Variants in UNC45B observed in about 807,000 individuals in gnomAD.
The protein encoded by UNC45B is unc-45 myosin chaperone B.
UNC45B carries 78 observed loss-of-function variants against 98.7 expected under a neutral mutation model. The ratio of observed to expected loss-of-function variants is 0.79; its 90% CI spans 0.66 to 0.95. UNC45B has a LOEUF of 0.95. UNC45B is among the 40% of genes least tolerant of loss of function. The probability of loss-of-function intolerance (pLI) is 0.00; values close to 1 mark genes in which losing one functional copy is unlikely to be tolerated. For synonymous variants in UNC45B, 462 were observed against 480.4 expected, an observed-to-expected ratio of 0.96 and a Z score of 0.50; for missense variants, 1,225 against 1,184.9, an observed-to-expected ratio of 1.03 and a Z score of -0.50.
intron 8 of UNC45B, among the ~76,000 whole-genome samples, chr17:35,160,719 C>T (rs552046247): frequency 5.1e-4 from 77 of 152,312 alleles, no homozygotes; most frequent in African/African-American, 1.8e-3. Flanking sequence ...ATTACAGGCG[C>T]GAGCCATGGC....
rs933238012 is a variant in UNC45B, at chr17:35,147,918, T to C, written c.-1+8T>C. 4 of 218,062 alleles carry C rather than the reference T, an allele frequency of 1.8e-5. No individual in the cohort carries two copies. The highest frequency in any genetic ancestry group is 3.7e-5 in the Non-Finnish European group (4 of 109,566). The allele number at this position is 218,062 out of a possible 1,614,324, so 13.5% of individuals were successfully genotyped here. ...ATCGTCCTTGCTGAAAAAGTGAGCA[T>C]GGGCCTGGGGTGTGCCCTGGACTGG... On this transcript the variant is annotated splice_region_variant and intron_variant, in intron 1 of 19. Coordinates refer to ENST00000394570, the MANE Select transcript of UNC45B (RefSeq NM_001267052.2).
At chr17:35,180,364 A>AGG (rs2092265299) in intron 17 of UNC45B, among the ~76,000 whole-genome samples, 195 bp from the exon 18 acceptor site, 1 of 152,084 alleles carries the variant, frequency 6.6e-6, no homozygotes, top group Admixed American at 6.5e-5. Context: ...CCAGGATGCC[A>AGG]TGCTATACAA....
Position 35,183,469 on chromosome 17 carries a change from C to G in UNC45B, c.2416C>G (p.Leu806Val), listed in dbSNP as rs775152709. ...FLADGNDRLK[L>V]VVLLCGEDDD... ...GGCTGACGGGAATGACCGGCTGAAG[C>G]TGGTGGTGCTGCTCTGCGGGGAGGA... The change falls in exon 19 of 20, where the codon CTG (leucine) becomes GTG (valine). Residue 806 changes from leucine to valine, a missense_variant. By Grantham distance (32) the Leu-to-Val change is conservative. Transcript: ENST00000394570. The G allele has an allele frequency of 6.2e-7, 1 of 1,602,270 alleles. No individual in the cohort carries two copies. The highest frequency in any genetic ancestry group is 1.1e-5 in the South Asian group (1 of 89,398).
At chr17:35,150,997 C>A in intron 4 of UNC45B, among the ~76,000 whole-genome samples, 1 of 152,092 alleles carries the variant, frequency 6.6e-6, no homozygotes, top group East Asian at 1.9e-4. Context: ...CTCACTCCAA[C>A]CTCTTTCTCC....
chr17:35,181,192 G>T (rs1228637396), intron 18 of UNC45B, among the ~76,000 whole-genome samples: 2 of 152,250 alleles, frequency 1.3e-5, no homozygotes, highest in East Asian at 1.9e-4. Flanking sequence ...TAATTACAGG[G>T]TTTATAAAAA....
At chr17:35,165,261 C>T (rs982165752) in intron 9 of UNC45B, among the ~76,000 whole-genome samples, 21 of 152,212 alleles carry the variant, frequency 1.4e-4, no homozygotes, top group African/African-American at 4.8e-4. Flanking sequence ...GACTAAGACT[C>T]ATGTGGCTTT....
intron 7 of UNC45B, among the ~76,000 whole-genome samples, chr17:35,157,837 C>T (rs943113131): frequency 8.6e-5 from 13 of 152,046 alleles, no homozygotes; most frequent in African/African-American, 2.7e-4. Context: ...CATGTTGTTA[C>T]CTATTTCTTA....
chr17:35,174,232 A>G lies in UNC45B; in HGVS notation c.1831-10A>G. Reference sequence around the variant, plus strand: ...GACCCTCCCACATTGCCATCTTTTCATCTCCTCAGGACAAGAAGGACTTTA... The same window carrying G: ...GACCCTCCCACATTGCCATCTTTTCGTCTCCTCAGGACAAGAAGGACTTTA... On this transcript the variant is annotated splice_polypyrimidine_tract_variant and intron_variant, in intron 13 of 19. Transcript: ENST00000394570. 6.2e-7 allele frequency: 1 copy of G among 1,614,092 alleles called. No homozygotes were observed. Among genetic ancestry groups the G allele is most frequent in the Non-Finnish European group, 8.5e-7 (1 of 1,179,974 alleles).
Position 35,155,471 on chromosome 17 carries a change from A to C in UNC45B, c.808+7A>C, listed in dbSNP as rs1416349856. Reference sequence around the variant, plus strand: ...GAGGAGGCCCTGGTTCTAGGTAGGAAACATTCTTCAGTTTTGATTCAAGGG... The same window carrying C: ...GAGGAGGCCCTGGTTCTAGGTAGGACACATTCTTCAGTTTTGATTCAAGGG... On this transcript the variant is annotated splice_region_variant and intron_variant, in intron 7 of 19. Coordinates refer to ENST00000394570, the MANE Select transcript of UNC45B (RefSeq NM_001267052.2). 1 of 1,613,390 alleles carries C rather than the reference A, an allele frequency of 6.2e-7. No individual in the cohort carries two copies. The highest frequency in any genetic ancestry group is 1.7e-5 in the Admixed American group (1 of 59,988).
Position 35,163,955 on chromosome 17 carries a change from C to G in UNC45B, c.980-40C>G, listed in dbSNP as rs200248455. 509 of 1,559,444 alleles carry G rather than the reference C, an allele frequency of 3.3e-4. 3 individuals carry two copies. The highest frequency in any genetic ancestry group is 4.2e-4 in the Non-Finnish European group (482 of 1,152,856). On this transcript the variant is annotated intron_variant, in intron 8 of 19. Transcript: ENST00000394570. Reference sequence around the variant, plus strand: ...GTGAGGGGTGTGTGTGAGGATGGAGCCCAGCAGGAATCTTAGGCTTGCCAC... The same window carrying G: ...GTGAGGGGTGTGTGTGAGGATGGAGGCCAGCAGGAATCTTAGGCTTGCCAC...
intron 15 of UNC45B, 97 bp from the exon 16 acceptor site, chr17:35,176,920 C>A (rs2092237840): frequency 1.1e-6 from 1 of 890,660 alleles, no homozygotes; most frequent in South Asian, 1.6e-5. Flanking sequence ...TTTTCCTGGA[C>A]CTCCCATGGG....
In UNC45B at chr17:35,174,327, AT is replaced by A; in HGVS notation, c.1917del (p.Asp639GlufsTer39). The A allele has an allele frequency of 6.2e-7, 1 of 1,614,198 alleles. No individual in the cohort carries two copies. The highest frequency in any genetic ancestry group is 1.6e-4 in the Middle Eastern group (1 of 6,062). On this transcript the variant is annotated frameshift_variant, in exon 14 of 20. Coordinates refer to ENST00000394570, the MANE Select transcript of UNC45B (RefSeq NM_001267052.2). LOFTEE classifies it high-confidence loss of function. Reference sequence around the variant, plus strand: ...GCCCTGGCTTGCATGGTGAAAGCAGATAGTGCCATCCTCACTGACCAGACCA... The same window carrying A: ...GCCCTGGCTTGCATGGTGAAAGCAGAAGTGCCATCCTCACTGACCAGACCA... Reference protein sequence around the residue: ...ISALACMVKADSAILTDQTKE... With the variant: ...ISALACMVKAXSAILTDQTKE...
chr17:35,180,623 C>T lies in UNC45B; in HGVS notation c.2320C>T (p.Gln774Ter). The part of the protein sequence containing the change: ...IENYMFENHD[Q>*]LRQAATECMC... ...GAACTACATGTTTGAGAATCATGAT[C>T]AGCTGCGGCAGGCGGCCACCGAGTG... The change falls in exon 18 of 20, where the codon CAG becomes TAG. Residue 774 changes from glutamine (Q) to a stop codon, truncating the protein, a stop_gained. Transcript: ENST00000394570. LOFTEE classifies it high-confidence loss of function. 6.2e-7 allele frequency: 1 copy of T among 1,613,712 alleles called. No homozygotes were observed.
chr17:35,185,695 C>T (rs1311278546), intron 19 of UNC45B, among the ~76,000 whole-genome samples: 1 of 152,056 alleles, frequency 6.6e-6, no homozygotes, highest in Non-Finnish European at 1.5e-5. Context: ...ATACTAAGCT[C>T]TTTCCATGTA....
At chr17:35,161,340 T>C (rs921355101) in intron 8 of UNC45B, among the ~76,000 whole-genome samples, 2 of 152,098 alleles carry the variant, frequency 1.3e-5, no homozygotes, top group Admixed American at 1.3e-4. Context: ...GGAGGCACGG[T>C]AAGGGAGCTG....
At chr17:35,175,913 G>A in intron 14 of UNC45B, 55 bp from the exon 15 acceptor site, 1 of 1,551,504 alleles carries the variant, frequency 6.4e-7, no homozygotes, top group South Asian at 1.1e-5. Flanking sequence ...TGCTGCTGCT[G>A]CCTGGGAAGG....
At chr17:35,154,836 G>A (rs2142536452) in intron 6 of UNC45B, 95 bp downstream of exon 6, 6 of 1,349,688 alleles carry the variant, frequency 4.4e-6, no homozygotes, top group Middle Eastern at 2.7e-4. Context: ...GGCATCAATG[G>A]AACCAGATAA....
intron 7 of UNC45B, among the ~76,000 whole-genome samples, chr17:35,155,770 A>G (rs995647022): frequency 1.3e-5 from 2 of 152,060 alleles, no homozygotes; most frequent in Non-Finnish European, 2.9e-5. Context: ...GGGTTTCTTC[A>G]TGTTGGCCAG....
At chr17:35,157,393 G>T (rs949748856) in intron 7 of UNC45B, among the ~76,000 whole-genome samples, 1 of 151,968 alleles carries the variant, frequency 6.6e-6, no homozygotes, top group Non-Finnish European at 1.5e-5. Context: ...GTAGAGACGG[G>T]GTTTTACCAT....
Sources: allele counts gnomAD v4.1 joint callset (sites outside exome capture counted in the v4.1 genomes callset), GRCh38; gene constraint gnomAD v4.1.1; transcripts MANE v1.5; gene names NCBI Gene and HGNC (gene_info 2026-07-23, HGNC 2026-07-21).